Variants in WBP1L observed in about 807,000 individuals in gnomAD.
The protein encoded by WBP1L is WW domain binding protein 1 like, also known as WW domain binding protein 1-like.
Under a neutral mutation model 33.7 loss-of-function variants are expected in WBP1L, and 17 were observed. The ratio of observed to expected loss-of-function variants is 0.50; its 90% CI spans 0.34 to 0.76. The LOEUF is 0.76. Among genes scored for constraint, WBP1L ranks in the 30% least tolerant of loss-of-function variants. The pLI is 0.01. For synonymous variants in WBP1L, 173 were observed against 190.8 expected, an observed-to-expected ratio of 0.91 and a Z score of 0.77; for missense variants, 389 against 469.4, an observed-to-expected ratio of 0.83 and a Z score of 1.58.
At chr10:102,784,053 C>T (rs1035954646) in intron 1 of WBP1L, among the ~76,000 whole-genome samples, 2 of 152,124 alleles carry the variant, frequency 1.3e-5, no homozygotes, top group Non-Finnish European at 2.9e-5. Context: ...GGTACAGAGT[C>T]ATTTTTTGTG....
chr10:102,804,210 G>A (rs936108069), intron 2 of WBP1L, among the ~76,000 whole-genome samples: 1 of 151,732 alleles, frequency 6.6e-6, no homozygotes, highest in Non-Finnish European at 1.5e-5. Context: ...CCAACATGGT[G>A]AAATGCCATC....
At chr10:102,768,371 G>GTTTTT (rs1192088947) in intron 1 of WBP1L, among the ~76,000 whole-genome samples, 24 of 12,228 alleles carry the variant, frequency 2.0e-3, no homozygotes, top group Admixed American at 3.4e-3. Flanking sequence ...TTAGTTTTTT[G>GTTTTT]TTTTTTTTTT....
In WBP1L at chr10:102,769,751, T is replaced by C. The variant is rs547359597; in HGVS notation, c.90+25608T>C. ...TTACCTAACGTCACTGTGTAAAATA[T>C]GAGATGTCACCATCTGTTGGAATCT... On this transcript the variant is annotated intron_variant, in intron 1 of 3. Coordinates refer to ENST00000448841, the MANE Select transcript of WBP1L (RefSeq NM_001083913.2). Among the ~76,000 whole-genome samples, 134 of 152,346 alleles carry C rather than the reference T, an allele frequency of 8.8e-4. 2 individuals carry two copies. The highest frequency in any genetic ancestry group is 1.6e-3 in the Non-Finnish European group (108 of 68,032).
intron 1 of WBP1L, among the ~76,000 whole-genome samples, chr10:102,771,723 G>A (rs1249826536): frequency 2.0e-5 from 3 of 151,098 alleles, no homozygotes; most frequent in African/African-American, 7.3e-5. Context: ...CAGGGGGATC[G>A]CTTGAACCTG....
chr10:102,764,961 C>G (rs1843089644), intron 1 of WBP1L, among the ~76,000 whole-genome samples: 1 of 152,096 alleles, frequency 6.6e-6, no homozygotes, highest in South Asian at 2.1e-4. Flanking sequence ...TCTCCAAATC[C>G]AAAAACGATT....
chr10:102,802,236 G>A (rs1294316440), intron 2 of WBP1L, among the ~76,000 whole-genome samples: 6 of 148,268 alleles, frequency 4.0e-5, no homozygotes, highest in Non-Finnish European at 8.9e-5. Flanking sequence ...TAACCTCCTG[G>A]ACTCAAGGGA....
intron 1 of WBP1L, among the ~76,000 whole-genome samples, chr10:102,769,554 A>G (rs999685744): frequency 3.9e-5 from 6 of 152,264 alleles, no homozygotes; most frequent in African/African-American, 1.2e-4. Flanking sequence ...TTATCCCCAC[A>G]GCACATCCTG....
intron 1 of WBP1L, among the ~76,000 whole-genome samples, chr10:102,795,679 T>C (rs1386525647): frequency 6.6e-6 from 1 of 152,254 alleles, no homozygotes; most frequent in East Asian, 1.9e-4. Context: ...TTGGATTCTT[T>C]CTTGTGCCAA....
intron 1 of WBP1L, among the ~76,000 whole-genome samples, chr10:102,749,509 C>T (rs1195196101): frequency 6.6e-6 from 1 of 151,512 alleles, no homozygotes; most frequent in African/African-American, 2.4e-5. Context: ...ATGAGTGTCT[C>T]ACCATGTTGC....
At chr10:102,755,295 G>A (rs996054040) in intron 1 of WBP1L, among the ~76,000 whole-genome samples, 8 of 151,958 alleles carry the variant, frequency 5.3e-5, no homozygotes, top group Non-Finnish European at 7.4e-5. Flanking sequence ...GCCCAGGTTG[G>A]AGTACAGTGG....
chr10:102,762,155 C>A (rs1311882941), intron 1 of WBP1L, among the ~76,000 whole-genome samples: 1 of 152,122 alleles, frequency 6.6e-6, no homozygotes, highest in African/African-American at 2.4e-5. Context: ...AGCTGGCCAT[C>A]TTTTAGTGGT....
At chr10:102,760,409 T>C (rs2134031274) in intron 1 of WBP1L, among the ~76,000 whole-genome samples, 2 of 148,874 alleles carry the variant, frequency 1.3e-5, no homozygotes, top group Middle Eastern at 3.4e-3. Context: ...GGAGTTTTGC[T>C]CTTGTAGCCC....
chr10:102,758,254 TATTA>T (rs927006402), intron 1 of WBP1L, among the ~76,000 whole-genome samples: 9 of 151,892 alleles, frequency 5.9e-5, no homozygotes, highest in South Asian at 2.1e-4. Context: ...TTTTCAAGGG[TATTA>T]ATTAAGTGGT....
chr10:102,757,225 AT>A (rs1343640778), intron 1 of WBP1L, among the ~76,000 whole-genome samples: 11 of 152,028 alleles, frequency 7.2e-5, no homozygotes, highest in Middle Eastern at 3.2e-3. Context: ...GGGTCTTGCT[AT>A]GTTCCCCAGG....
intron 1 of WBP1L, chr10:102,776,192 CAG>C: frequency 6.8e-7 from 1 of 1,461,964 alleles, no homozygotes; most frequent in Non-Finnish European, 9.1e-7. Context: ...CAGAGCCAGG[CAG>C]GGGGAGTAGC....
intron 1 of WBP1L, among the ~76,000 whole-genome samples, chr10:102,787,921 T>C (rs1320863284): frequency 6.6e-6 from 1 of 151,086 alleles, no homozygotes; most frequent in Admixed American, 6.6e-5. Context: ...CTATTAATAA[T>C]ACAAAAAATT....
chr10:102,757,238 T>A (rs1842987076), intron 1 of WBP1L, among the ~76,000 whole-genome samples: 1 of 152,204 alleles, frequency 6.6e-6, no homozygotes, highest in Non-Finnish European at 1.5e-5. Flanking sequence ...TTCCCCAGGC[T>A]GGTCTTGAAT....
At chr10:102,768,823 G>A (rs1252915213) in intron 1 of WBP1L, among the ~76,000 whole-genome samples, 1 of 150,824 alleles carries the variant, frequency 6.6e-6, no homozygotes, top group Non-Finnish European at 1.5e-5. Flanking sequence ...AAGTAGCTGG[G>A]ACTACAGGTG....
At chr10:102,796,958 A>C (rs898315662) in intron 1 of WBP1L, among the ~76,000 whole-genome samples, 9 of 152,176 alleles carry the variant, frequency 5.9e-5, no homozygotes, top group Admixed American at 5.9e-4. Context: ...TGTGGACAGA[A>C]TTTGGCAGAC....
Sources: allele counts gnomAD v4.1 joint callset (sites outside exome capture counted in the v4.1 genomes callset), GRCh38; gene constraint gnomAD v4.1.1; transcripts MANE v1.5; gene names NCBI Gene and HGNC (gene_info 2026-07-23, HGNC 2026-07-21).